Variants in S100A16 observed in about 807,000 individuals in gnomAD.
S100A16 encodes the protein protein S100-A16.
Under a neutral mutation model 9.0 loss-of-function variants are expected in S100A16, and 8 were observed. That is an observed-to-expected ratio of 0.89 (90% CI 0.52 to 1.60). The LOEUF (loss-of-function observed/expected upper bound fraction) is 1.60, where lower values mean the gene tolerates loss of function less well. S100A16 is among the 40% of genes most tolerant of loss of function. S100A16 has a pLI of 0.00. For synonymous variants in S100A16, 51 were observed against 51.4 expected (o/e 0.99, Z 0.04); for missense variants, 138 against 132.4 (o/e 1.04, Z -0.21).
chr1:153,610,239 C>T (rs1334807029), intron 1 of S100A16, among the ~76,000 whole-genome samples: 1 of 152,180 alleles, frequency 6.6e-6, no homozygotes, highest in Non-Finnish European at 1.5e-5. Flanking sequence ...GTGCCAAGTC[C>T]ACTCCCAACC....
chr1:153,612,478 C>G (rs1666859698), intron 1 of S100A16, among the ~76,000 whole-genome samples: 1 of 152,136 alleles, frequency 6.6e-6, no homozygotes, highest in South Asian at 2.1e-4. Context: ...CAGCCCCCGC[C>G]TCCTCTTCTC....
At chr1:153,608,784 G>A (rs1666766379) in intron 1 of S100A16, 1 of 349,434 alleles carries the variant, frequency 2.9e-6, no homozygotes, top group Admixed American at 6.4e-5. Context: ...AATTGGATCA[G>A]ATTTTGTGCA....
At chr1:153,610,499 G>A (rs1666809944) in intron 1 of S100A16, among the ~76,000 whole-genome samples, 1 of 152,114 alleles carries the variant, frequency 6.6e-6, no homozygotes, top group Non-Finnish European at 1.5e-5. Flanking sequence ...ACCCCTGCTT[G>A]GCCTCTGGCA....
chr1:153,609,653 T>C (rs557886278), intron 1 of S100A16, among the ~76,000 whole-genome samples: 3 of 152,324 alleles, frequency 2.0e-5, no homozygotes, highest in Non-Finnish European at 2.9e-5. Flanking sequence ...ATCCTGGATA[T>C]ACACCACCCC....
In S100A16 at chr1:153,607,461, G is replaced by A. The variant is rs944309616; in HGVS notation, c.*73C>T. The A allele has an allele frequency of 3.2e-6, 5 of 1,581,004 alleles. No homozygotes were observed. The highest frequency in any genetic ancestry group is 4.3e-6 in the Non-Finnish European group (5 of 1,153,264). ...AAGGGCCCTGGGTGGGCAGGAGGCT[G>A]AGGAGGGAGCCTGGGGAGAGCACCA... On this transcript the variant is annotated 3_prime_UTR_variant, in exon 3 of 3. Coordinates refer to ENST00000368706, the MANE Select transcript of S100A16 (RefSeq NM_080388.3).
At chr1:153,608,938 T>C (rs1315044518) in intron 1 of S100A16, 1 of 985,330 alleles carries the variant, frequency 1.0e-6, no homozygotes, top group Admixed American at 6.2e-5. Context: ...CCAGCTGGAG[T>C]CGGACTCTGG....
chr1:153,610,896 T>C (rs72711026), intron 1 of S100A16, among the ~76,000 whole-genome samples: 6,634 of 151,386 alleles, frequency 0.044, 175 homozygotes, highest in South Asian at 0.055. Flanking sequence ...GTCGGGCAGA[T>C]GTTCTATCCC....
chr1:153,609,195 A>G (rs574750601), intron 1 of S100A16: 2 of 985,522 alleles, frequency 2.0e-6, no homozygotes, highest in African/African-American at 1.7e-5. Flanking sequence ...GTCCTGGTGA[A>G]AGGAGATGGA....
intron 1 of S100A16, chr1:153,609,288 C>G (rs1281099321): frequency 2.1e-5 from 21 of 985,874 alleles, no homozygotes; most frequent in Non-Finnish European, 2.4e-5. Context: ...CAGGCCCCAC[C>G]ACAGCCTCCT....
chr1:153,611,831 C>A (rs1666839796), intron 1 of S100A16, among the ~76,000 whole-genome samples: 1 of 143,644 alleles, frequency 7.0e-6, no homozygotes, highest in African/African-American at 2.5e-5. Flanking sequence ...AGGAACAGCT[C>A]CCGGAGCATA....
chr1:153,608,296 G>A (rs1268761555), intron 1 of S100A16, 119 bp from the exon 2 acceptor site: 14 of 796,642 alleles, frequency 1.8e-5, no homozygotes, highest in Non-Finnish European at 2.8e-5. Context: ...CCCTGGAGAA[G>A]AAGGTGGCAG....
At chr1:153,611,917 T>TCTCACACACACACA (rs745663701) in intron 1 of S100A16, among the ~76,000 whole-genome samples, 55 of 140,906 alleles carry the variant, frequency 3.9e-4, no homozygotes, top group East Asian at 3.0e-3. Flanking sequence ...TGTCTCTCTC[T>TCTCACACACACACA]CACACACACA....
intron 1 of S100A16, among the ~76,000 whole-genome samples, chr1:153,612,275 C>T (rs1034793955): frequency 6.6e-5 from 10 of 152,308 alleles, no homozygotes; most frequent in East Asian, 3.9e-4. Flanking sequence ...CAAGCCGGGG[C>T]CTGCCTGGGT....
intron 2 of S100A16, 76 bp downstream of exon 2, chr1:153,607,920 AAAG>A: frequency 1.4e-6 from 2 of 1,457,268 alleles, no homozygotes; most frequent in Admixed American, 1.7e-5. Flanking sequence ...CTCAGCAGGG[AAAG>A]ACACCCTCAG....
rs760076256 is a variant in S100A16, at chr1:153,607,565, A to G, written c.281T>C (p.Ile94Thr). The change falls in exon 3 of 3, where the codon ATC (isoleucine) becomes ACC (threonine). Residue 94 changes from isoleucine (I) to threonine (T), a missense_variant. Physicochemically the swap from Ile to Thr is moderately conservative, Grantham distance 89. Coordinates refer to ENST00000368706, the MANE Select transcript of S100A16 (RefSeq NM_080388.3). ...GGITGPIAKL[I>T]HEQEQQSSS Reference sequence around the variant, plus strand: ...GCTGCTCTGCTGCTCCTGCTCATGGATGAGTTTGGCGATGGGGCCGGTGAT... The same window carrying G: ...GCTGCTCTGCTGCTCCTGCTCATGGGTGAGTTTGGCGATGGGGCCGGTGAT... 5.0e-6 allele frequency: 8 copies of G among 1,614,172 alleles called. No homozygotes were observed. The South Asian group carries it at 8.8e-5, about 18-fold the overall frequency.
At chr1:153,611,313 T>G (rs1240735184) in intron 1 of S100A16, among the ~76,000 whole-genome samples, 1 of 141,982 alleles carries the variant, frequency 7.0e-6, no homozygotes, top group Non-Finnish European at 1.5e-5. Context: ...TCCTTCCGTC[T>G]GGAGCTCCAA....
chr1:153,608,684 C>T (rs1239485564), intron 1 of S100A16, among the ~76,000 whole-genome samples: 2 of 152,218 alleles, frequency 1.3e-5, no homozygotes, highest in East Asian at 3.9e-4. Flanking sequence ...AAGATGTAGG[C>T]CTTCCCCAAT....
chr1:153,607,800 G>T, intron 2 of S100A16, 108 bp from the exon 3 acceptor site: 1 of 1,423,044 alleles, frequency 7.0e-7, no homozygotes. Flanking sequence ...TGCTTCCCTT[G>T]GGAAATGCAA....
At chr1:153,609,400 C>A in intron 1 of S100A16, 1 of 979,878 alleles carries the variant, frequency 1.0e-6, no homozygotes, top group South Asian at 4.7e-5. Context: ...TCGCCCCGCC[C>A]AAGCCACGCC....
Sources: gnomAD v4.1 joint callset for allele counts (sites outside exome capture counted in the v4.1 genomes callset) on GRCh38, gnomAD v4.1.1 for gene constraint, MANE v1.5 for transcripts, NCBI Gene and HGNC (gene_info 2026-07-23, HGNC 2026-07-21) for gene names.